Variants in PROCR observed in about 807,000 individuals in gnomAD.
PROCR encodes the protein protein C receptor.
A neutral mutation model predicts 24.2 loss-of-function variants in PROCR; 22 were observed. That is an observed-to-expected ratio of 0.91 (90% CI 0.65 to 1.30). The LOEUF is 1.30. PROCR is among the 50% of genes most tolerant of loss of function. The pLI is 0.00. For missense variants in PROCR, 288 were observed against 307.7 expected, an observed-to-expected ratio of 0.94 and a Z score of 0.48; for synonymous variants, 137 against 139.2, an observed-to-expected ratio of 0.98 and a Z score of 0.11.
intron 1 of PROCR, among the ~76,000 whole-genome samples, chr20:35,186,592 A>C (rs1410801493): frequency 6.6e-6 from 1 of 150,970 alleles, no homozygotes; most frequent in African/African-American, 2.4e-5. Context: ...AAAAATGATA[A>C]GTAAAAGAAG....
chr20:35,192,073 G>A (rs750750003), intron 1 of PROCR, among the ~76,000 whole-genome samples: 2 of 152,116 alleles, frequency 1.3e-5, no homozygotes, highest in African/African-American at 4.8e-5. Context: ...GACAAACAAG[G>A]AAGGAAAGAA....
intron 1 of PROCR, 141 bp from the exon 2 acceptor site, chr20:35,174,561 G>C (rs1016293722): frequency 2.3e-5 from 24 of 1,025,888 alleles, no homozygotes; most frequent in Non-Finnish European, 3.5e-5. Flanking sequence ...GCGTCAAACG[G>C]GAGAAGCGGT....
At chr20:35,213,496 A>C (rs1220003070) in intron 1 of PROCR, among the ~76,000 whole-genome samples, 1 of 151,818 alleles carries the variant, frequency 6.6e-6, no homozygotes, top group African/African-American at 2.4e-5. Flanking sequence ...TTGTTGCTTT[A>C]TTTCTGCTTT....
intron 1 of PROCR, among the ~76,000 whole-genome samples, chr20:35,190,272 CA>C (rs2086162332): frequency 6.6e-6 from 1 of 152,082 alleles, no homozygotes; most frequent in Non-Finnish European, 1.5e-5. Flanking sequence ...CTACATATCC[CA>C]AAAAATAGAT....
chr20:35,186,502 G>T (rs1264519792), intron 1 of PROCR, among the ~76,000 whole-genome samples: 1 of 150,078 alleles, frequency 6.7e-6, no homozygotes, highest in Non-Finnish European at 1.5e-5. Context: ...GGAGGCTGAG[G>T]TTGCGGTGAG....
chr20:35,178,820 C>G (rs1194287443), downstream of PROCR, among the ~76,000 whole-genome samples: 1 of 149,848 alleles, frequency 6.7e-6, no homozygotes, highest in Non-Finnish European at 1.5e-5. Context: ...CGGCCTAAGT[C>G]TCAGTTTTTT....
chr20:35,183,605 A>G (rs1445964839), intron 1 of PROCR, among the ~76,000 whole-genome samples: 1 of 152,210 alleles, frequency 6.6e-6, no homozygotes, highest in Non-Finnish European at 1.5e-5. Flanking sequence ...ATTGACTAAT[A>G]TAGTATCAGA....
In PROCR at chr20:35,177,079, G is replaced by A. The variant is rs2086027956; in HGVS notation, c.*266G>A. On this transcript the variant is annotated 3_prime_UTR_variant, in exon 4 of 4. Coordinates refer to ENST00000216968, the MANE Select transcript of PROCR (RefSeq NM_006404.5). ...AAGTGAATGTTTATCTATCTTTGTG[G>A]AAAACAGATAATGGAGTTGGGGCAG... 8.0e-7 allele frequency: 1 copy of A among 1,252,628 alleles called. No homozygotes were observed. Among genetic ancestry groups the A allele is most frequent in the Admixed American group, 3.4e-5 (1 of 29,448 alleles). 77.6% of individuals were successfully genotyped at this position (1,252,628 alleles called of 1,614,324 possible).
intron 1 of PROCR, among the ~76,000 whole-genome samples, chr20:35,196,920 C>A (rs1480527307): frequency 2.0e-5 from 3 of 152,020 alleles, no homozygotes; most frequent in Non-Finnish European, 4.4e-5. Flanking sequence ...ATGGATAGGA[C>A]AATTATAAAC....
chr20:35,176,047 G>T, intron 2 of PROCR, 121 bp from the exon 3 acceptor site: 1 of 1,176,376 alleles, frequency 8.5e-7, no homozygotes, highest in Non-Finnish European at 1.3e-6. Flanking sequence ...CCCTGACCTA[G>T]ACTCCCCTCT....
At chr20:35,178,511 T>TG (rs202179491), downstream of PROCR, among the ~76,000 whole-genome samples, 303 of 42,882 alleles carry the variant, frequency 7.1e-3, 41 homozygotes, top group African/African-American at 0.018. Context: ...GTCTCAGTTT[T>TG]TTTTTTTTTT....
chr20:35,174,519 C>T, intron 1 of PROCR, 183 bp from the exon 2 acceptor site: 1 of 746,990 alleles, frequency 1.3e-6, no homozygotes. Context: ...GATAATAATC[C>T]CTGTCCTGTC....
At chr20:35,204,120 A>G (rs908983760) in intron 1 of PROCR, among the ~76,000 whole-genome samples, 1 of 152,204 alleles carries the variant, frequency 6.6e-6, no homozygotes, top group African/African-American at 2.4e-5. Flanking sequence ...CCAGATATTA[A>G]AAGGATAATA....
intron 1 of PROCR, among the ~76,000 whole-genome samples, chr20:35,189,213 T>C (rs2086151915): frequency 6.6e-6 from 1 of 151,188 alleles, no homozygotes; most frequent in African/African-American, 2.4e-5. Context: ...GCTGAATTCT[T>C]TCCCCAGTAA....
intron 2 of PROCR, among the ~76,000 whole-genome samples, 174 bp downstream of exon 2, chr20:35,175,127 A>T (rs1012709717): frequency 1.5e-4 from 23 of 151,294 alleles, no homozygotes; most frequent in Non-Finnish European, 3.2e-4. Flanking sequence ...GGCTGGAGAG[A>T]GGCAGTTGTC....
downstream of PROCR, among the ~76,000 whole-genome samples, chr20:35,181,013 T>C (rs929629518): frequency 1.3e-5 from 2 of 151,944 alleles, no homozygotes; most frequent in Admixed American, 1.3e-4. Flanking sequence ...ATTACAGGCA[T>C]GTGCCACCAC....
At chr20:35,191,311 A>G (rs1294398810) in intron 1 of PROCR, among the ~76,000 whole-genome samples, 1 of 152,214 alleles carries the variant, frequency 6.6e-6, no homozygotes, top group Admixed American at 6.5e-5. Flanking sequence ...TCGGGTCACT[A>G]GAATTACTAA....
At chr20:35,185,900 A>G (rs145870901) in intron 1 of PROCR, among the ~76,000 whole-genome samples, 140 of 152,316 alleles carry the variant, frequency 9.2e-4, no homozygotes, top group African/African-American at 3.2e-3. Context: ...AAGAATGGCT[A>G]TAGGAAAAAA....
chr20:35,174,708 A>C lies in PROCR; in HGVS notation c.77A>C (p.Gln26Pro). ...FCSQDASDGL[Q>P]RLHMLQISYF... ...AAGCTGACTCTGCCCGCAGGCCTCC[A>C]AAGACTTCATATGCTCCAGATCTCC... The change falls in exon 2 of 4, where the codon CAA becomes CCA. Residue 26 changes from glutamine to proline, a missense_variant. Gln to Pro is a moderately conservative substitution (Grantham distance 76). Transcript: ENST00000216968. The C allele has an allele frequency of 6.2e-7, 1 of 1,613,930 alleles. No homozygotes were observed. Among genetic ancestry groups the C allele is most frequent in the Non-Finnish European group, 8.5e-7 (1 of 1,179,956 alleles).
Sources: gnomAD v4.1 joint callset for allele counts (sites outside exome capture counted in the v4.1 genomes callset) on GRCh38, gnomAD v4.1.1 for gene constraint, MANE v1.5 for transcripts, NCBI Gene and HGNC (gene_info 2026-07-23, HGNC 2026-07-21) for gene names.